Variants in ROBO2 observed in about 807,000 individuals in gnomAD.
ROBO2 encodes the protein roundabout homolog 2.
In ROBO2, 53 loss-of-function variants were observed where a neutral mutation model predicts 160.8. That is an observed-to-expected ratio of 0.33 (90% CI 0.26 to 0.41). ROBO2 has a LOEUF of 0.41. Ranked by LOEUF, ROBO2 falls within the 10% of genes least tolerant of loss-of-function variation. The pLI, the probability that ROBO2 is intolerant of heterozygous loss-of-function variation, is 1.00. For synonymous variants in ROBO2, 664 were observed against 611.7 expected (o/e 1.09, Z -1.26); for missense variants, 1,577 against 1,722.4 (o/e 0.92, Z 1.49).
chr3:76,400,054 G>A (rs6784812), intron 2 of ROBO2, among the ~76,000 whole-genome samples: 18,529 of 151,506 alleles, frequency 0.12, 1,247 homozygotes, highest in Non-Finnish European at 0.15. Context: ...TCTGAAACAT[G>A]ATACCAATCC....
At chr3:76,283,350 G>A (rs72630393) in intron 2 of ROBO2, among the ~76,000 whole-genome samples, 28,374 of 150,874 alleles carry the variant, frequency 0.19, 4,338 homozygotes, top group East Asian at 0.41. Context: ...TATCCTAACA[G>A]TCTCATATGC....
At chr3:77,174,683 G>T (rs1579642644) in intron 2 of ROBO2, among the ~76,000 whole-genome samples, 1 of 151,894 alleles carries the variant, frequency 6.6e-6, no homozygotes, top group East Asian at 1.9e-4. Context: ...AAACCTATCT[G>T]CTTATGTTTA....
chr3:75,967,132 C>T (rs1395309302), intron 2 of ROBO2, among the ~76,000 whole-genome samples: 1 of 151,666 alleles, frequency 6.6e-6, no homozygotes, highest in Non-Finnish European at 1.5e-5. Flanking sequence ...AAGGAGTACA[C>T]CAATATAACT....
At chr3:77,570,916 C>T (rs560482684) in intron 13 of ROBO2, among the ~76,000 whole-genome samples, 2 of 151,990 alleles carry the variant, frequency 1.3e-5, no homozygotes, top group East Asian at 1.9e-4. Context: ...TTCGCTGTCC[C>T]CCTTCTCACC....
intron 2 of ROBO2, among the ~76,000 whole-genome samples, chr3:76,301,353 A>G (rs1709347010): frequency 6.6e-6 from 1 of 152,136 alleles, no homozygotes; most frequent in African/African-American, 2.4e-5. Context: ...GTTGAAAATT[A>G]ATATTATCTA....
chr3:76,934,743 A>AAAACAC (rs1350428382), intron 2 of ROBO2, among the ~76,000 whole-genome samples: 1 of 151,986 alleles, frequency 6.6e-6, no homozygotes, highest in East Asian at 1.9e-4. Context: ...CTCCATCTCA[A>AAAACAC]AAACAAAAAC....
At chr3:77,255,286 A>G (rs2090801686) in intron 2 of ROBO2, among the ~76,000 whole-genome samples, 1 of 152,232 alleles carries the variant, frequency 6.6e-6, no homozygotes, top group South Asian at 2.1e-4. Flanking sequence ...TAAAGTGAAA[A>G]TGATAAGAAT....
At position 76,825,861 on chromosome 3, in the gene ROBO2, T is replaced by A. The variant is rs553818674; in HGVS notation, c.110-272153T>A. Among the ~76,000 whole-genome samples, 6 of 152,170 alleles carry A rather than the reference T, an allele frequency of 3.9e-5. No individual in the cohort carries two copies. The South Asian group carries it at 1.2e-3, about 32-fold the overall frequency. On this transcript the variant is annotated intron_variant, in intron 2 of 26. Transcript: ENST00000487694. ...TAACAGATTCCTAAAACTGTTAACA[T>A]TCGTTCCGTTGAGTTTACAAAAAAA...
chr3:76,071,113 GT>G (rs1363510852), intron 2 of ROBO2, among the ~76,000 whole-genome samples: 1 of 152,156 alleles, frequency 6.6e-6, no homozygotes, highest in Non-Finnish European at 1.5e-5. Flanking sequence ...CCTGTAGTTT[GT>G]CTGGGTTGAT....
rs146274665 is a variant in ROBO2, at chr3:76,301,671, C to T, written c.109+364069C>T. Among the ~76,000 whole-genome samples the T allele has an allele frequency of 3.3e-3, 501 of 152,148 alleles. 4 individuals carry two copies. Among genetic ancestry groups the T allele is most frequent in the African/African-American group, 0.011 (474 of 41,526 alleles). ...AGACCTGTTATCCATCTATCTGTCA[C>T]GATATTCTATGTCAGAGACTGCTAG... On this transcript the variant is annotated intron_variant, in intron 2 of 26. Coordinates refer to the ROBO2 transcript ENST00000487694.
exon 26 of ROBO2, chr3:77,648,919 C>G (rs1362422674): frequency 6.6e-6 from 1 of 151,760 alleles, no homozygotes; most frequent in African/African-American, 2.4e-5. Flanking sequence ...TGATCTTGCA[C>G]TCATAGGCAA....
intron 2 of ROBO2, among the ~76,000 whole-genome samples, chr3:77,355,759 GA>G (rs2069022170): frequency 6.6e-6 from 1 of 152,002 alleles, no homozygotes; most frequent in African/African-American, 2.4e-5. Context: ...AAAACGTGGA[GA>G]AAAATTACAA....
intron 2 of ROBO2, among the ~76,000 whole-genome samples, chr3:76,113,924 CTCTT>C (rs1397566452): frequency 3.3e-5 from 5 of 152,150 alleles, no homozygotes; most frequent in East Asian, 1.9e-4. Flanking sequence ...CCCTCTTCCT[CTCTT>C]TCTTGCCCCC....
chr3:76,947,847 T>C (rs1394280811), intron 2 of ROBO2, among the ~76,000 whole-genome samples: 2 of 152,234 alleles, frequency 1.3e-5, no homozygotes, highest in African/African-American at 4.8e-5. Flanking sequence ...TTATTGCTGC[T>C]GTTGTTCTAT....
chr3:76,635,356 C>T (rs2090272769), intron 2 of ROBO2, among the ~76,000 whole-genome samples: 1 of 152,144 alleles, frequency 6.6e-6, no homozygotes, highest in South Asian at 2.1e-4. Context: ...GCATAAAACT[C>T]ACAACTTCTA....
intron 2 of ROBO2, among the ~76,000 whole-genome samples, chr3:76,296,837 G>A (rs1035858869): frequency 6.6e-5 from 10 of 152,180 alleles, no homozygotes; most frequent in African/African-American, 1.9e-4. Context: ...AGGTGAGCGG[G>A]TAGCTTGATG....
chr3:76,694,946 A>G (rs1391961192), intron 2 of ROBO2, among the ~76,000 whole-genome samples: 1 of 152,084 alleles, frequency 6.6e-6, no homozygotes, highest in Non-Finnish European at 1.5e-5. Context: ...TCTACTAAAA[A>G]TACAAAAATT....
intron 2 of ROBO2, among the ~76,000 whole-genome samples, chr3:76,217,491 A>G (rs2107371302): frequency 6.6e-6 from 1 of 152,330 alleles, no homozygotes; most frequent in South Asian, 2.1e-4. Context: ...ATCACCACCG[A>G]TCCCACAGAA....
intron 2 of ROBO2, among the ~76,000 whole-genome samples, chr3:76,227,301 C>G (rs1479100230): frequency 6.6e-6 from 1 of 152,154 alleles, no homozygotes; most frequent in African/African-American, 2.4e-5. Flanking sequence ...TGTAAGGGCA[C>G]AGTATGGGAT....
Sources: allele counts gnomAD v4.1 joint callset (sites outside exome capture counted in the v4.1 genomes callset), GRCh38; gene constraint gnomAD v4.1.1; transcripts MANE v1.5; gene names NCBI Gene and HGNC (gene_info 2026-07-23, HGNC 2026-07-21).